Variants in RAB11FIP4 observed in about 807,000 individuals in gnomAD.
RAB11FIP4 encodes RAB11 family interacting protein 4, also known as rab11 family-interacting protein 4.
In RAB11FIP4, 23 loss-of-function variants were observed where a neutral mutation model predicts 74.3. The ratio of observed to expected loss-of-function variants is 0.31; its 90% CI spans 0.22 to 0.44. The LOEUF (loss-of-function observed/expected upper bound fraction) is 0.44. RAB11FIP4 is among the 20% of genes least tolerant of loss of function. The pLI, the probability that RAB11FIP4 is intolerant of heterozygous loss-of-function variation, is 1.00. For synonymous variants in RAB11FIP4, 360 were observed against 359.9 expected (o/e 1.00, Z 0.00); for missense variants, 630 against 863.9 (o/e 0.73, Z 3.39).
intron 1 of RAB11FIP4, among the ~76,000 whole-genome samples, chr17:31,394,322 G>A (rs1172137295): frequency 6.6e-6 from 1 of 151,798 alleles, no homozygotes; most frequent in African/African-American, 2.4e-5. Flanking sequence ...TTTTTTTGCC[G>A]GTAAATGATC....
intron 3 of RAB11FIP4, among the ~76,000 whole-genome samples, chr17:31,501,022 A>C (rs1303744661): frequency 4.7e-5 from 2 of 42,404 alleles, no homozygotes; most frequent in East Asian, 3.1e-3. Context: ...ACTCCATCTC[A>C]AAAAAAAAAA....
chr17:31,413,846 A>G (rs748532689), intron 1 of RAB11FIP4, among the ~76,000 whole-genome samples: 8 of 152,284 alleles, frequency 5.3e-5, no homozygotes, highest in Non-Finnish European at 1.0e-4. Flanking sequence ...TAAGAGTTTC[A>G]TTGAGTTTTT....
intron 3 of RAB11FIP4, among the ~76,000 whole-genome samples, chr17:31,476,629 A>G (rs192059017): frequency 1.8e-4 from 27 of 152,280 alleles, no homozygotes; most frequent in Non-Finnish European, 3.7e-4. Context: ...TGGCCTTGTG[A>G]TCCAGTGGGG....
chr17:31,526,141 A>G (rs2072762843), intron 10 of RAB11FIP4: 1 of 151,806 alleles, frequency 6.6e-6, no homozygotes, highest in Non-Finnish European at 1.5e-5. Flanking sequence ...TTACATTTTG[A>G]CTCTATTCTA....
chr17:31,468,900 G>A (rs1177336347), intron 3 of RAB11FIP4, among the ~76,000 whole-genome samples: 1 of 152,114 alleles, frequency 6.6e-6, no homozygotes, highest in East Asian at 1.9e-4. Context: ...CACTGGCAGG[G>A]CCCCTCTGGA....
intron 3 of RAB11FIP4, among the ~76,000 whole-genome samples, chr17:31,498,805 A>T (rs993275865): frequency 6.6e-6 from 1 of 152,196 alleles, no homozygotes; most frequent in African/African-American, 2.4e-5. Flanking sequence ...ACTCTACGAG[A>T]AGAAAGAGCT....
chr17:31,430,433 A>G (rs1335988074), intron 1 of RAB11FIP4, among the ~76,000 whole-genome samples: 2 of 149,086 alleles, frequency 1.3e-5, no homozygotes, highest in African/African-American at 2.5e-5. Context: ...TCTCAGCTCA[A>G]TGCAACCTCT....
At chr17:31,525,308 CA>C in intron 10 of RAB11FIP4, 78 bp downstream of exon 10, 1 of 1,372,002 alleles carries the variant, frequency 7.3e-7, no homozygotes, top group Non-Finnish European at 9.8e-7. Flanking sequence ...GCGCTATCCC[CA>C]TTTTATAGAT....
At chr17:31,494,647 T>TA (rs1463260646) in intron 3 of RAB11FIP4, among the ~76,000 whole-genome samples, 133 of 146,374 alleles carry the variant, frequency 9.1e-4, no homozygotes, top group South Asian at 1.8e-3. Flanking sequence ...TTTAATTTTT[T>TA]TAAAAAAAAA....
intron 3 of RAB11FIP4, among the ~76,000 whole-genome samples, chr17:31,485,974 G>A (rs916927067): frequency 5.9e-5 from 9 of 151,922 alleles, no homozygotes; most frequent in African/African-American, 1.9e-4. Flanking sequence ...AGTGGCTCAC[G>A]CCTGTAATCC....
chr17:31,525,334 G>C, intron 10 of RAB11FIP4, 104 bp downstream of exon 10: 1 of 1,207,212 alleles, frequency 8.3e-7, no homozygotes. Context: ...ATGTGAGGCT[G>C]AGGGGCAGCC....
chr17:31,450,447 C>A (rs180787740), intron 3 of RAB11FIP4, among the ~76,000 whole-genome samples: 1 of 151,810 alleles, frequency 6.6e-6, no homozygotes, highest in Non-Finnish European at 1.5e-5. Flanking sequence ...GGGGTTCAAG[C>A]GATTCTCCTG....
chr17:31,459,794 G>A (rs1347430795), intron 3 of RAB11FIP4, among the ~76,000 whole-genome samples: 4 of 102,206 alleles, frequency 3.9e-5, no homozygotes, highest in Admixed American at 2.3e-4. Flanking sequence ...CCCTCCCCAC[G>A]GCCCCAGATA....
chr17:31,521,856 G>A (rs1472918959), intron 5 of RAB11FIP4, 59 bp from the exon 6 acceptor site: 5 of 1,606,152 alleles, frequency 3.1e-6, no homozygotes, highest in Admixed American at 3.3e-5. Flanking sequence ...CAGCAGGGTG[G>A]TGTAGGGCAC....
At position 31,537,238 on chromosome 17, in the gene RAB11FIP4, G is replaced by A. The variant is rs1056889691; in HGVS notation, c.*5506G>A. ...CTGGCCTTTCCCGAGCCCTGTAAAT[G>A]TGTACTTTTTCAACGTGCCTCCCCC... On this transcript the variant is annotated 3_prime_UTR_variant, in exon 15 of 15. Transcript: ENST00000621161. The A allele has an allele frequency of 1.5e-5, 6 of 399,140 alleles. No homozygotes were observed. The Admixed American group carries it at 2.6e-4, about 18-fold the overall frequency. The allele number at this position is 399,140 out of a possible 1,614,324, so 24.7% of individuals were successfully genotyped here.
chr17:31,459,893 C>A (rs1335023681), intron 3 of RAB11FIP4, among the ~76,000 whole-genome samples: 1 of 152,202 alleles, frequency 6.6e-6, no homozygotes, highest in African/African-American at 2.4e-5. Context: ...CCTGGGGTCC[C>A]AGGGCTTGTG....
intron 3 of RAB11FIP4, among the ~76,000 whole-genome samples, chr17:31,447,088 T>G (rs975983997): frequency 1.7e-4 from 26 of 152,156 alleles, no homozygotes; most frequent in Non-Finnish European, 1.8e-4. Flanking sequence ...ATCGAGACCA[T>G]CCTGGCTAAC....
At chr17:31,525,040 G>T in intron 9 of RAB11FIP4, 50 bp from the exon 10 acceptor site, 2 of 1,548,938 alleles carry the variant, frequency 1.3e-6, no homozygotes, top group Non-Finnish European at 1.7e-6. Flanking sequence ...AGCCTGGGTT[G>T]GGGTGAAATG....
At chr17:31,431,981 C>A in intron 2 of RAB11FIP4, 81 bp downstream of exon 2, 3 of 1,085,976 alleles carry the variant, frequency 2.8e-6, no homozygotes, top group South Asian at 1.4e-5. Flanking sequence ...GGGGCCCAGC[C>A]TGGATTCCTC....
Sources: gnomAD v4.1 joint callset for allele counts (sites outside exome capture counted in the v4.1 genomes callset) on GRCh38, gnomAD v4.1.1 for gene constraint, MANE v1.5 for transcripts, NCBI Gene and HGNC (gene_info 2026-07-23, HGNC 2026-07-21) for gene names.